The following RFX3 variants were observed in gnomAD, a reference collection of about 807,000 sequenced individuals.
RFX3 encodes regulatory factor X3.
RFX3 carries 14 observed loss-of-function variants against 98.6 expected under a neutral mutation model. That is an observed-to-expected ratio of 0.14 (90% CI 0.09 to 0.22). The LOEUF (loss-of-function observed/expected upper bound fraction) is 0.22. Ranked by LOEUF, RFX3 falls within the 10% of genes least tolerant of loss-of-function variation. RFX3 has a pLI of 1.00. For synonymous variants in RFX3, 383 were observed against 328.4 expected (o/e 1.17, Z -1.80); for missense variants, 639 against 926.9 (o/e 0.69, Z 4.03).
At chr9:3,507,337 G>C (rs1817201069) in intron 1 of RFX3, among the ~76,000 whole-genome samples, 1 of 151,832 alleles carries the variant, frequency 6.6e-6, no homozygotes, top group South Asian at 2.1e-4. Context: ...TGACAAGGCA[G>C]AATTCAGACC....
At chr9:3,290,509 TAA>T (rs1465909953) in intron 6 of RFX3, among the ~76,000 whole-genome samples, 7 of 152,128 alleles carry the variant, frequency 4.6e-5, no homozygotes, top group Admixed American at 1.3e-4. Flanking sequence ...ACGGTATGCA[TAA>T]CTACAGAGCC....
chr9:3,310,548 C>A (rs1419372183), intron 4 of RFX3, among the ~76,000 whole-genome samples: 1 of 152,034 alleles, frequency 6.6e-6, no homozygotes, highest in Non-Finnish European at 1.5e-5. Context: ...AGAACTGTTA[C>A]AGTGATTTGA....
At chr9:3,418,696 T>C (rs1426760482) in intron 1 of RFX3, among the ~76,000 whole-genome samples, 1 of 152,162 alleles carries the variant, frequency 6.6e-6, no homozygotes, top group Non-Finnish European at 1.5e-5. Context: ...TTGAAGCTTA[T>C]TAATCAAATC....
At chr9:3,433,071 C>A (rs1318424193) in intron 1 of RFX3, among the ~76,000 whole-genome samples, 1 of 152,040 alleles carries the variant, frequency 6.6e-6, no homozygotes, top group African/African-American at 2.4e-5. Context: ...CCTGCAGAAG[C>A]CGAGTATACA....
At chr9:3,507,085 C>A (rs1194243352) in intron 1 of RFX3, among the ~76,000 whole-genome samples, 1 of 151,780 alleles carries the variant, frequency 6.6e-6, no homozygotes, top group African/African-American at 2.4e-5. Context: ...GTTCAAAAAC[C>A]TTGATTATGG....
At chr9:3,236,018 C>G (rs1337000362) in intron 15 of RFX3, among the ~76,000 whole-genome samples, 4 of 150,812 alleles carry the variant, frequency 2.7e-5, no homozygotes, top group African/African-American at 9.7e-5. Context: ...CTTTTTTTTT[C>G]TAGTATTGGA....
chr9:3,247,148 G>C lies in RFX3; in HGVS notation c.1968+884C>G, dbSNP rs540050340. 13 of 984,934 alleles carry C rather than the reference G, an allele frequency of 1.3e-5. No individual in the cohort carries two copies. The South Asian group carries it at 1.9e-4, about 14-fold the overall frequency. 61.0% of individuals were successfully genotyped at this position (984,934 alleles called of 1,614,324 possible). The stretch of plus-strand genomic sequence containing the variant: ...CACATTTAATAATCTGGTATGATTC[G>C]ACAAGGTATAAACTACCCCCGCCTC... On this transcript the variant is annotated intron_variant, in intron 15 of 16. Coordinates refer to ENST00000617270, the MANE Select transcript of RFX3 (RefSeq NM_001282116.2).
At chr9:3,522,390 T>G (rs1185892991) in intron 1 of RFX3, among the ~76,000 whole-genome samples, 1 of 152,162 alleles carries the variant, frequency 6.6e-6, no homozygotes, top group Non-Finnish European at 1.5e-5. Flanking sequence ...TGAGCTCAAA[T>G]AGAGGATTTT....
intron 5 of RFX3, among the ~76,000 whole-genome samples, chr9:3,297,493 C>T (rs1003921443): frequency 2.6e-4 from 40 of 151,928 alleles, no homozygotes; most frequent in African/African-American, 9.7e-4. Flanking sequence ...AAGGGAAATC[C>T]TGATTGACAA....
intron 1 of RFX3, among the ~76,000 whole-genome samples, chr9:3,471,445 A>G (rs1001191371): frequency 5.3e-5 from 8 of 152,198 alleles, no homozygotes; most frequent in African/African-American, 1.7e-4. Flanking sequence ...TTTTGTCACT[A>G]TATCTGACTG....
In RFX3 at chr9:3,355,635, G is replaced by A. The variant is rs575692158; in HGVS notation, c.118-8871C>T. Among the ~76,000 whole-genome samples, 3 of 151,780 alleles carry A rather than the reference G, an allele frequency of 2.0e-5. No homozygotes were observed. The East Asian group carries it at 5.8e-4, about 29-fold the overall frequency. On this transcript the variant is annotated intron_variant, in intron 2 of 16. Transcript: ENST00000617270. ...GCATTCTTTTTTCCATAGTTGATACGCAAAAAAGACAGAAAATCATTGAGA... is the reference window on the plus strand; with the variant it reads ...GCATTCTTTTTTCCATAGTTGATACACAAAAAAGACAGAAAATCATTGAGA...
intron 1 of RFX3, among the ~76,000 whole-genome samples, chr9:3,431,540 A>G (rs1844656997): frequency 6.6e-6 from 1 of 152,070 alleles, no homozygotes; most frequent in African/African-American, 2.4e-5. Flanking sequence ...TTTGCAAATT[A>G]CCCTTTTCTG....
chr9:3,252,595 C>A (rs1367452055), intron 14 of RFX3, among the ~76,000 whole-genome samples: 1 of 151,926 alleles, frequency 6.6e-6, no homozygotes, highest in Admixed American at 6.6e-5. Flanking sequence ...AGCCAGGAGG[C>A]TAATGTGGTA....
chr9:3,365,295 CA>C (rs1177381806), intron 2 of RFX3, among the ~76,000 whole-genome samples: 1,284 of 62,496 alleles, frequency 0.021, 8 homozygotes, highest in Admixed American at 0.044. Flanking sequence ...AGACTCATCT[CA>C]AAAAAAAAAA....
chr9:3,445,791 C>T (rs1356887771), intron 1 of RFX3, among the ~76,000 whole-genome samples: 1 of 152,128 alleles, frequency 6.6e-6, no homozygotes, highest in Non-Finnish European at 1.5e-5. Context: ...GTATTCTAGA[C>T]ATACTAAGAT....
chr9:3,339,086 C>T (rs535645694), intron 3 of RFX3, among the ~76,000 whole-genome samples: 2 of 151,916 alleles, frequency 1.3e-5, no homozygotes, highest in Admixed American at 6.6e-5. Flanking sequence ...AAGACTCCAA[C>T]TCAAAAATAA....
At chr9:3,510,097 C>T (rs1434219325) in intron 1 of RFX3, among the ~76,000 whole-genome samples, 1 of 152,002 alleles carries the variant, frequency 6.6e-6, no homozygotes, top group Non-Finnish European at 1.5e-5. Context: ...TTTCACCTCT[C>T]TAATCTGCTG....
intron 4 of RFX3, among the ~76,000 whole-genome samples, chr9:3,323,497 G>A (rs879282770): frequency 1.8e-4 from 28 of 152,150 alleles, no homozygotes; most frequent in Non-Finnish European, 2.8e-4. Context: ...GTAACTTAAC[G>A]TGAAACTTGA....
intron 6 of RFX3, among the ~76,000 whole-genome samples, chr9:3,290,971 T>C (rs1443152382): frequency 6.6e-6 from 1 of 152,140 alleles, no homozygotes; most frequent in Non-Finnish European, 1.5e-5. Flanking sequence ...CTCCTGAAAA[T>C]AGGTCATGAG....
Sources: allele counts gnomAD v4.1 joint callset (sites outside exome capture counted in the v4.1 genomes callset), GRCh38; gene constraint gnomAD v4.1.1; transcripts MANE v1.5; gene names NCBI Gene and HGNC (gene_info 2026-07-23, HGNC 2026-07-21).